ERLIN1: variants seen among roughly 807,000 people sequenced by gnomAD.
ERLIN1 encodes ER lipid raft associated 1.
In ERLIN1, 24 loss-of-function variants were observed where a neutral mutation model predicts 46.9. That is an observed-to-expected ratio of 0.51 (90% CI 0.37 to 0.72). The LOEUF (loss-of-function observed/expected upper bound fraction) is 0.72, where lower values mean the gene tolerates loss of function less well. Ranked by LOEUF, ERLIN1 falls within the 30% of genes least tolerant of loss-of-function variation. The pLI is 0.00. For missense variants in ERLIN1, 293 were observed against 417.9 expected, an observed-to-expected ratio of 0.70 and a Z score of 2.61; for synonymous variants, 158 against 143.2, an observed-to-expected ratio of 1.10 and a Z score of -0.74.
chr10:100,158,557 A>C (rs1843193738), intron 8 of ERLIN1, among the ~76,000 whole-genome samples: 1 of 152,232 alleles, frequency 6.6e-6, no homozygotes, highest in Non-Finnish European at 1.5e-5. Context: ...CTAGAAAAAA[A>C]AAATCACCAG....
At chr10:100,168,674 G>T (rs1310772079) in intron 6 of ERLIN1, among the ~76,000 whole-genome samples, 3 of 149,796 alleles carry the variant, frequency 2.0e-5, no homozygotes, top group South Asian at 2.1e-4. Flanking sequence ...GAAGCGTAAA[G>T]TAGGACTTTT....
At chr10:100,160,268 G>T (rs1272318076) in intron 8 of ERLIN1, among the ~76,000 whole-genome samples, 1 of 151,902 alleles carries the variant, frequency 6.6e-6, no homozygotes, top group Non-Finnish European at 1.5e-5. Flanking sequence ...AAAAGCAAAT[G>T]AAAAAAAGCA....
At chr10:100,183,995 T>G (rs1844814239) in intron 1 of ERLIN1, among the ~76,000 whole-genome samples, 158 bp from the exon 2 acceptor site, 1 of 152,182 alleles carries the variant, frequency 6.6e-6, no homozygotes, top group Admixed American at 6.5e-5. Flanking sequence ...TTAAAATACC[T>G]CCACACCTAA....
chr10:100,159,769 C>A (rs974692996), intron 8 of ERLIN1, among the ~76,000 whole-genome samples: 7 of 150,848 alleles, frequency 4.6e-5, no homozygotes, highest in Non-Finnish European at 3.0e-5. Context: ...ATAGCTAAAG[C>A]AATCCTTAGA....
Position 100,152,172 on chromosome 10 carries a change from A to G in ERLIN1, c.1006T>C (p.Ser336Pro). ...TTGTTTTGGATGACGTTCTCTCCAG[A>G]GGGTTCAAGAGCCTCCTTAGAGGGG... The part of the protein sequence containing the change: ...SLPSKEALEP[S>P]GENVIQNKES... The change falls in exon 11 of 11, where the codon TCT (serine) becomes CCT (proline). Residue 336 changes from serine to proline, a missense_variant. By Grantham distance (74) the Ser-to-Pro change is moderately conservative. Transcript: ENST00000421367. 2 of 1,613,560 alleles carry G rather than the reference A, an allele frequency of 1.2e-6. No individual in the cohort carries two copies. Among genetic ancestry groups the G allele is most frequent in the South Asian group, 2.2e-5 (2 of 91,074 alleles).
intron 6 of ERLIN1, among the ~76,000 whole-genome samples, chr10:100,171,934 T>C (rs1342152023): frequency 6.6e-6 from 1 of 152,188 alleles, no homozygotes; most frequent in African/African-American, 2.4e-5. Flanking sequence ...GTGTAAGAAC[T>C]ACAGCTTACC....
intron 9 of ERLIN1, 128 bp from the exon 10 acceptor site, chr10:100,155,067 AAGTCCC>A (rs377017580): frequency 5.6e-6 from 4 of 716,842 alleles, no homozygotes; most frequent in Admixed American, 2.5e-5. Context: ...AGCAGTTTTC[AAGTCCC>A]AGTCCCCAAA....
intron 6 of ERLIN1, among the ~76,000 whole-genome samples, chr10:100,170,681 A>G (rs888879328): frequency 5.9e-5 from 9 of 152,206 alleles, no homozygotes; most frequent in African/African-American, 2.2e-4. Flanking sequence ...TCTGCAGGAC[A>G]TAGGGACTGA....
intron 7 of ERLIN1, among the ~76,000 whole-genome samples, chr10:100,165,006 T>C (rs1843554343): frequency 1.3e-5 from 2 of 152,312 alleles, no homozygotes; most frequent in South Asian, 4.1e-4. Context: ...AAATTTAAAA[T>C]ACTTCTGGTC....
At chr10:100,167,031 C>T (rs1287609026) in intron 7 of ERLIN1, among the ~76,000 whole-genome samples, 2 of 152,174 alleles carry the variant, frequency 1.3e-5, no homozygotes, top group Non-Finnish European at 2.9e-5. Flanking sequence ...AGGACTCTTT[C>T]CTCTATTAAA....
At chr10:100,156,518 G>GT (rs1425081550) in intron 8 of ERLIN1, among the ~76,000 whole-genome samples, 1 of 152,086 alleles carries the variant, frequency 6.6e-6, no homozygotes, top group Non-Finnish European at 1.5e-5. Context: ...CGGTCCACAA[G>GT]CTAATGGGAA....
intron 4 of ERLIN1, 136 bp downstream of exon 4, chr10:100,177,997 A>C: frequency 3.1e-6 from 2 of 637,430 alleles, no homozygotes; most frequent in Non-Finnish European, 5.5e-6. Context: ...TTTTGCCTCT[A>C]TTCCCCAGAA....
At chr10:100,152,389 A>G (rs755708402) in intron 10 of ERLIN1, 37 bp from the exon 11 acceptor site, 1 of 1,152,174 alleles carries the variant, frequency 8.7e-7, no homozygotes, top group South Asian at 1.2e-5. Context: ...GCATCAGAAT[A>G]CTCTGGTGCA....
intron 8 of ERLIN1, among the ~76,000 whole-genome samples, chr10:100,160,972 C>A (rs950261039): frequency 6.6e-6 from 1 of 152,056 alleles, no homozygotes; most frequent in African/African-American, 2.4e-5. Flanking sequence ...GTTTTAACAG[C>A]CATTCAAAAT....
chr10:100,182,762 T>C (rs938000915), intron 2 of ERLIN1, among the ~76,000 whole-genome samples: 1 of 152,184 alleles, frequency 6.6e-6, no homozygotes. Context: ...GAATCTGGGA[T>C]GAGCCTTTAA....
At chr10:100,156,053 C>G in intron 9 of ERLIN1, 92 bp downstream of exon 9, 1 of 779,624 alleles carries the variant, frequency 1.3e-6, no homozygotes. Flanking sequence ...TGTCTATGGC[C>G]TTCTCACCCA....
chr10:100,176,146 G>C, intron 4 of ERLIN1, 76 bp from the exon 5 acceptor site: 1 of 1,365,774 alleles, frequency 7.3e-7, no homozygotes, highest in Non-Finnish European at 1.0e-6. Context: ...CAGGGTAAAA[G>C]TCAGGGTGAT....
At chr10:100,160,623 A>T (rs1243924731) in intron 8 of ERLIN1, among the ~76,000 whole-genome samples, 1 of 152,228 alleles carries the variant, frequency 6.6e-6, no homozygotes, top group Non-Finnish European at 1.5e-5. Flanking sequence ...TACCATATTA[A>T]CAGCTTTAAA....
chr10:100,162,585 C>T (rs1843414483), intron 8 of ERLIN1, among the ~76,000 whole-genome samples: 1 of 152,132 alleles, frequency 6.6e-6, no homozygotes, highest in African/African-American at 2.4e-5. Context: ...GCTTCTCAAA[C>T]CACCTGTGGA....
Sources: allele counts gnomAD v4.1 joint callset (sites outside exome capture counted in the v4.1 genomes callset), GRCh38; gene constraint gnomAD v4.1.1; transcripts MANE v1.5; gene names NCBI Gene and HGNC (gene_info 2026-07-23, HGNC 2026-07-21).